The following USP4 variants were observed in gnomAD, a reference collection of about 807,000 sequenced individuals.
The protein encoded by USP4 is ubiquitin specific peptidase 4.
USP4 carries 72 observed loss-of-function variants against 118.2 expected under a neutral mutation model. The observed-to-expected ratio is 0.61, with a 90% CI of 0.50 to 0.74. USP4 has a LOEUF of 0.74. Among genes scored for constraint, USP4 ranks in the 30% least tolerant of loss-of-function variants. The probability of loss-of-function intolerance (pLI) is 0.00; values close to 1 mark genes in which losing one functional copy is unlikely to be tolerated. For missense variants in USP4, 1,037 were observed against 1,185.7 expected, an observed-to-expected ratio of 0.87 and a Z score of 1.84; for synonymous variants, 415 against 440.4, an observed-to-expected ratio of 0.94 and a Z score of 0.72.
At chr3:49,302,027 C>T (rs2047267586) in intron 10 of USP4, among the ~76,000 whole-genome samples, 1 of 151,910 alleles carries the variant, frequency 6.6e-6, no homozygotes, top group Non-Finnish European at 1.5e-5. Flanking sequence ...AACAAGCTCA[C>T]TCTAATTTGA....
At chr3:49,309,033 C>CAAAAA (rs35731425) in intron 8 of USP4, among the ~76,000 whole-genome samples, 1 of 69,646 alleles carries the variant, frequency 1.4e-5, no homozygotes. Context: ...GATGCTGTCT[C>CAAAAA]AAAAAAAAAA....
At chr3:49,292,234 C>T (rs2047158996) in intron 15 of USP4, among the ~76,000 whole-genome samples, 1 of 150,268 alleles carries the variant, frequency 6.7e-6, no homozygotes, top group African/African-American at 2.5e-5. Flanking sequence ...AACAGTGAGC[C>T]ATGATTGCAC....
At chr3:49,312,559 G>T in intron 6 of USP4, 1 of 450,696 alleles carries the variant, frequency 2.2e-6, no homozygotes, top group Non-Finnish European at 4.5e-6. Flanking sequence ...GGCAGAAGTT[G>T]CAGTGAGCCA....
chr3:49,300,169 C>T (rs922048741), intron 11 of USP4, among the ~76,000 whole-genome samples: 1 of 151,906 alleles, frequency 6.6e-6, no homozygotes, highest in African/African-American at 2.4e-5. Context: ...TCGCTTGAAC[C>T]TGGGAGGAAG....
intron 1 of USP4, among the ~76,000 whole-genome samples, chr3:49,338,991 C>CA (rs1418592045): frequency 9.2e-5 from 14 of 151,654 alleles, no homozygotes; most frequent in Non-Finnish European, 1.2e-4. Flanking sequence ...ACTAAAAATA[C>CA]AAAAAATTAG....
intron 7 of USP4, 57 bp from the exon 8 acceptor site, chr3:49,310,794 G>A: frequency 7.2e-7 from 1 of 1,390,128 alleles, no homozygotes; most frequent in Non-Finnish European, 1.0e-6. Flanking sequence ...ATGCCCTCAA[G>A]ATGCTTTTTG....
At chr3:49,293,181 A>T (rs1463908599) in intron 14 of USP4, among the ~76,000 whole-genome samples, 1 of 152,190 alleles carries the variant, frequency 6.6e-6, no homozygotes, top group Non-Finnish European at 1.5e-5. Flanking sequence ...TTTCCAGACC[A>T]GTCTGGCCAA....
chr3:49,284,335 A>G (rs1037711206), intron 18 of USP4, 131 bp downstream of exon 18: 14 of 1,034,640 alleles, frequency 1.4e-5, no homozygotes, highest in South Asian at 3.0e-5. Context: ...ACAGAGGATT[A>G]TGTTGTAGGG....
intron 14 of USP4, chr3:49,293,765 A>G (rs2047175648): frequency 6.6e-6 from 1 of 152,136 alleles, no homozygotes; most frequent in African/African-American, 2.4e-5. Flanking sequence ...TGGCACCATC[A>G]GTTTTGAAGG....
intron 6 of USP4, among the ~76,000 whole-genome samples, chr3:49,315,801 T>C (rs901946935): frequency 2.6e-5 from 4 of 152,216 alleles, no homozygotes; most frequent in Admixed American, 6.6e-5. Flanking sequence ...AGTGAGGCTC[T>C]GGACAAACCA....
intron 10 of USP4, 50 bp downstream of exon 10, chr3:49,302,334 G>A: frequency 6.3e-7 from 1 of 1,596,774 alleles, no homozygotes; most frequent in South Asian, 1.1e-5. Context: ...ACTCTCAATA[G>A]GAGGCAGCTT....
At chr3:49,284,271 C>T (rs1442680779) in intron 18 of USP4, 135 bp from the exon 19 acceptor site, 2 of 1,285,128 alleles carry the variant, frequency 1.6e-6, no homozygotes, top group African/African-American at 1.5e-5. Context: ...CTGCTTCTGG[C>T]CAGGGACCTG....
chr3:49,290,873 C>T (rs914644067), intron 15 of USP4, among the ~76,000 whole-genome samples: 41 of 151,352 alleles, frequency 2.7e-4, no homozygotes, highest in Admixed American at 2.6e-3. Context: ...CAGCACTTCA[C>T]GAGGGCAAGG....
At chr3:49,287,015 A>C (rs907755124) in intron 15 of USP4, among the ~76,000 whole-genome samples, 6 of 151,818 alleles carry the variant, frequency 4.0e-5, no homozygotes, top group Admixed American at 6.6e-5. Flanking sequence ...ATGCCCAGCT[A>C]ATTTTTATAT....
In USP4 at chr3:49,317,047, G is replaced by A. The variant is rs755536444; in HGVS notation, c.696-5393C>T. 3 of 994,640 alleles carry A rather than the reference G, an allele frequency of 3.0e-6. No individual in the cohort carries two copies. The South Asian group carries it at 4.1e-5, about 14-fold the overall frequency. The allele number at this position is 994,640 out of a possible 1,614,324, so 61.6% of individuals were successfully genotyped here. ...GACAGACTTGCTGGGGCTGAGTTGA[G>A]GGGCGCACAGAGGCAGGCCCTGCCC... is the stretch of plus-strand genomic sequence containing the variant. On this transcript the variant is annotated intron_variant, in intron 6 of 21. Coordinates refer to ENST00000265560, the MANE Select transcript of USP4 (RefSeq NM_003363.4).
Position 49,298,634 on chromosome 3 carries a change from TA to T in USP4, c.1513del (p.Tyr505ThrfsTer3). 6.2e-7 allele frequency: 1 copy of T among 1,614,028 alleles called. No homozygotes were observed. The highest frequency in any genetic ancestry group is 8.5e-7 in the Non-Finnish European group (1 of 1,179,934). ...PADPHCRPTQ[Y>X]RVTVPLMGAV... ...CCCCATCAGCGGCACAGTCACACGG[TA>T]CTGCAAGACAGAGATGGTCAAGGTC... On this transcript the variant is annotated frameshift_variant and splice_region_variant, in exon 12 of 22. Coordinates refer to ENST00000265560, the MANE Select transcript of USP4 (RefSeq NM_003363.4). LOFTEE classifies it high-confidence loss of function.
chr3:49,304,620 G>A (rs2047293722), intron 9 of USP4, among the ~76,000 whole-genome samples: 3 of 152,018 alleles, frequency 2.0e-5, no homozygotes, highest in African/African-American at 2.4e-5. Context: ...TAGAGACAGG[G>A]TCTCTGTCGC....
At chr3:49,333,591 G>A (rs1180977286) in intron 2 of USP4, among the ~76,000 whole-genome samples, 2 of 152,172 alleles carry the variant, frequency 1.3e-5, no homozygotes, top group African/African-American at 4.8e-5. Context: ...GTGTCATTGT[G>A]TCTCAGGCAA....
chr3:49,290,878 G>C (rs2047144444), intron 15 of USP4, among the ~76,000 whole-genome samples: 2 of 151,622 alleles, frequency 1.3e-5, no homozygotes, highest in Admixed American at 1.3e-4. Context: ...CTTCACGAGG[G>C]CAAGGTGGAA....
Sources: gnomAD v4.1 joint callset for allele counts (sites outside exome capture counted in the v4.1 genomes callset) on GRCh38, gnomAD v4.1.1 for gene constraint, MANE v1.5 for transcripts, NCBI Gene and HGNC (gene_info 2026-07-23, HGNC 2026-07-21) for gene names.